PRKN: variants seen among roughly 807,000 people sequenced by gnomAD.
PRKN encodes the protein parkin RBR E3 ubiquitin protein ligase, also known as E3 ubiquitin-protein ligase parkin.
PRKN carries 56 observed loss-of-function variants against 59.5 expected under a neutral mutation model. The observed-to-expected ratio is 0.94, with a 90% CI of 0.76 to 1.18. The LOEUF is 1.18. Ranked by LOEUF, PRKN falls within the 50% of genes most tolerant of loss-of-function variation. The probability of loss-of-function intolerance (pLI) is 0.00; values close to 1 mark genes in which losing one functional copy is unlikely to be tolerated. For missense variants in PRKN, 657 were observed against 596.4 expected, an observed-to-expected ratio of 1.10 and a Z score of -1.06; for synonymous variants, 250 against 222.1, an observed-to-expected ratio of 1.13 and a Z score of -1.12.
rs2115020104 is a variant in PRKN at position 161,417,496 on chromosome 6, T to C, written c.1084-30619A>G. 6.6e-6 allele frequency among the ~76,000 whole-genome samples: 1 copy of C among 151,660 alleles called. No individual in the cohort carries two copies. The highest frequency in any genetic ancestry group is 1.5e-5 in the Non-Finnish European group (1 of 67,946). The stretch of plus-strand genomic sequence containing the variant: ...CTAATGCCTCCAAGACCACACGCTA[T>C]TGATTTAATCTCTGAATTAAAGGTC... On this transcript the variant is annotated intron_variant, in intron 9 of 11. Transcript: ENST00000366898. This position sits in a 1 kb window ranked among gnomAD's most constrained non-coding sequence, Gnocchi z 5.4.
rs1275131422 is a variant in PRKN at position 161,538,699 on chromosome 6, A to G, written c.1083+10155T>C. Among the ~76,000 whole-genome samples the G allele has an allele frequency of 6.6e-6, 1 of 152,152 alleles. No individual in the cohort carries two copies. The highest frequency in any genetic ancestry group is 1.5e-5 in the Non-Finnish European group (1 of 68,028). ...GAATCTCAGGAAATGTGATTTCTAC[A>G]TCTGTTGCAGATCCTTGGAGACCAG... On this transcript the variant is annotated intron_variant, in intron 9 of 11. Coordinates refer to ENST00000366898, the MANE Select transcript of PRKN (RefSeq NM_004562.3). The surrounding 1 kb of genome is among the most constrained non-coding windows in gnomAD (Gnocchi z 4.2).
In PRKN at chr6:162,643,227, G is replaced by A. The variant is rs988555918; in HGVS notation, c.7+84435C>T. Among the ~76,000 whole-genome samples the A allele has an allele frequency of 3.3e-5, 5 of 151,736 alleles. No individual in the cohort carries two copies. The East Asian group carries it at 5.8e-4, about 18-fold the overall frequency. On this transcript the variant is annotated intron_variant, in intron 1 of 11. Coordinates refer to ENST00000366898, the MANE Select transcript of PRKN (RefSeq NM_004562.3). ...AGCCTGGGCAACATGGTGAAACCCCGTCTCTACTAAAAATATAAAAATTAA... is the reference window on the plus strand; with the variant it reads ...AGCCTGGGCAACATGGTGAAACCCCATCTCTACTAAAAATATAAAAATTAA...
At chr6:162,130,874 T>A (rs1192248209) in intron 4 of PRKN, among the ~76,000 whole-genome samples, 1 of 152,252 alleles carries the variant, frequency 6.6e-6, no homozygotes, top group Non-Finnish European at 1.5e-5. Context: ...ATGAAAAGTA[T>A]CTAGTGTCTG....
At chr6:162,284,211 C>CTTTT (rs1702627140) in intron 2 of PRKN, among the ~76,000 whole-genome samples, 2 of 62,592 alleles carry the variant, frequency 3.2e-5, no homozygotes, top group Admixed American at 2.0e-4. Flanking sequence ...TGTGTTATTT[C>CTTTT]TTTCTTTTTT....
At chr6:161,610,651 C>T (rs1203156530) in intron 7 of PRKN, among the ~76,000 whole-genome samples, 1 of 151,796 alleles carries the variant, frequency 6.6e-6, no homozygotes, top group Non-Finnish European at 1.5e-5. Flanking sequence ...GGTGCCGTAA[C>T]AAGTAGAACA....
At chr6:161,694,750 T>C (rs1049155065) in intron 7 of PRKN, among the ~76,000 whole-genome samples, 1 of 152,202 alleles carries the variant, frequency 6.6e-6, no homozygotes, top group African/African-American at 2.4e-5. Flanking sequence ...GGTGACAGAC[T>C]CCCTGTTTGC....
chr6:162,101,810 A>G (rs1358184316), intron 4 of PRKN, among the ~76,000 whole-genome samples: 1 of 152,130 alleles, frequency 6.6e-6, no homozygotes, highest in Non-Finnish European at 1.5e-5. Context: ...CTCCAGCTTT[A>G]TTTACATAAC....
intron 4 of PRKN, among the ~76,000 whole-genome samples, chr6:162,091,357 GCTTATA>G (rs1050523997): frequency 6.6e-6 from 1 of 152,116 alleles, no homozygotes; most frequent in African/African-American, 2.4e-5. Flanking sequence ...TACTAATAGA[GCTTATA>G]CTTCTCCCAT....
chr6:162,366,289 G>C (rs1394138511), intron 2 of PRKN, among the ~76,000 whole-genome samples: 1 of 152,054 alleles, frequency 6.6e-6, no homozygotes, highest in African/African-American at 2.4e-5. Flanking sequence ...TGGGATTACA[G>C]AATGTCATTC....
intron 4 of PRKN, among the ~76,000 whole-genome samples, chr6:162,124,043 T>C (rs949981086): frequency 6.6e-6 from 1 of 152,142 alleles, no homozygotes; most frequent in African/African-American, 2.4e-5. Context: ...CAACAATTGC[T>C]TCTCCCAGAA....
intron 2 of PRKN, among the ~76,000 whole-genome samples, chr6:162,321,016 A>G (rs892143666): frequency 5.3e-5 from 8 of 151,890 alleles, no homozygotes; most frequent in Non-Finnish European, 1.5e-5. Flanking sequence ...AAAAGAAAAC[A>G]ATAACGATCA....
intron 9 of PRKN, among the ~76,000 whole-genome samples, chr6:161,443,267 A>C (rs2115095088): frequency 6.7e-6 from 1 of 149,714 alleles, no homozygotes; most frequent in Non-Finnish European, 1.5e-5. Context: ...CCAAGATTAT[A>C]CCACTGCACT....
intron 1 of PRKN, among the ~76,000 whole-genome samples, chr6:162,561,814 G>A (rs1779856835): frequency 6.6e-6 from 1 of 152,154 alleles, no homozygotes; most frequent in Admixed American, 6.5e-5. Flanking sequence ...GCCACAGAGG[G>A]CTACAGCACT....
intron 5 of PRKN, among the ~76,000 whole-genome samples, chr6:162,043,583 A>G (rs1318814537): frequency 1.3e-5 from 2 of 152,222 alleles, no homozygotes; most frequent in African/African-American, 2.4e-5. Context: ...CCAAACTCTC[A>G]ATCCAGTTTC....
chr6:161,773,640 A>C (rs1392804866), intron 7 of PRKN, among the ~76,000 whole-genome samples: 2 of 152,186 alleles, frequency 1.3e-5, no homozygotes, highest in African/African-American at 4.8e-5. Flanking sequence ...ATAAGTAATA[A>C]ATTTATAGCT....
At chr6:162,217,987 A>C (rs1777765446) in intron 3 of PRKN, among the ~76,000 whole-genome samples, 1 of 152,162 alleles carries the variant, frequency 6.6e-6, no homozygotes, top group African/African-American at 2.4e-5. Context: ...CAGGTGGTTT[A>C]GGGTGCGATT....
chr6:161,538,523 G>A lies in PRKN; in HGVS notation c.1083+10331C>T, dbSNP rs1030913237. On this transcript the variant is annotated intron_variant, in intron 9 of 11. Transcript: ENST00000366898. The surrounding 1 kb of genome is among the most constrained non-coding windows in gnomAD (Gnocchi z 4.2). ...GAGGTGGGACTAAAGGTCAAGCCAG[G>A]ACAGATCAGATTTGCCTAGGGGACA... Among the ~76,000 whole-genome samples, 1 of 152,028 alleles carries A rather than the reference G, an allele frequency of 6.6e-6. No homozygotes were observed. The highest frequency in any genetic ancestry group is 2.4e-5 in the African/African-American group (1 of 41,374).
chr6:161,854,169 C>A (rs117503776), intron 6 of PRKN, among the ~76,000 whole-genome samples: 2 of 151,208 alleles, frequency 1.3e-5, no homozygotes, highest in South Asian at 2.1e-4. Context: ...GCAGGAGAAT[C>A]GCTTGAACCT....
intron 2 of PRKN, among the ~76,000 whole-genome samples, chr6:162,392,751 T>G (rs1006900732): frequency 6.6e-6 from 1 of 152,218 alleles, no homozygotes; most frequent in Admixed American, 6.5e-5. Context: ...GAAGTAATTT[T>G]CTACATTTTT....
Sources: allele counts gnomAD v4.1 joint callset (sites outside exome capture counted in the v4.1 genomes callset), GRCh38; gene constraint gnomAD v4.1.1; non-coding constraint Gnocchi (gnomAD v3.1); transcripts MANE v1.5; gene names NCBI Gene and HGNC (gene_info 2026-07-23, HGNC 2026-07-21).